Variants in PIEZO2 observed in about 807,000 individuals in gnomAD.
PIEZO2 encodes the protein piezo type mechanosensitive ion channel component 2.
Under a neutral mutation model 337.3 loss-of-function variants are expected in PIEZO2, and 172 were observed. The ratio of observed to expected loss-of-function variants is 0.51; its 90% CI spans 0.45 to 0.58. PIEZO2 has a LOEUF of 0.58. PIEZO2 is among the 20% of genes least tolerant of loss of function. The pLI, the probability that PIEZO2 is intolerant of heterozygous loss-of-function variation, is 0.00. For synonymous variants in PIEZO2, 1,251 were observed against 1,228.5 expected, an observed-to-expected ratio of 1.02 and a Z score of -0.38; for missense variants, 3,028 against 3,391.3, an observed-to-expected ratio of 0.89 and a Z score of 2.66.
rs6505603 is a variant in PIEZO2, at chr18:10,943,359, G to C, written c.287-32131C>G. 0.15 allele frequency among the ~76,000 whole-genome samples: 22,476 copies of C among 152,192 alleles called. 2,889 individuals carry two copies. The highest frequency in any genetic ancestry group is 0.34 in the African/African-American group (14,201 of 41,490). On this transcript the variant is annotated intron_variant, in intron 3 of 55. Coordinates refer to ENST00000674853, the MANE Select transcript of PIEZO2 (RefSeq NM_001378183.1). The surrounding 1 kb of genome is among the most constrained non-coding windows in gnomAD (Gnocchi z 4.5). ...TGTACCCTGCAAAGCCCCAGGGGTG[G>C]AGTTACCCAAGGCCGTGGGAGACCA...
At chr18:10,881,867 G>A (rs73394768) in intron 4 of PIEZO2, among the ~76,000 whole-genome samples, 301 of 152,226 alleles carry the variant, frequency 2.0e-3, no homozygotes, top group African/African-American at 7.1e-3. Flanking sequence ...CTGGTGATCA[G>A]CCCCACGACA....
At position 10,854,332 on chromosome 18, in the gene PIEZO2, G is replaced by A. The variant is rs139093256; in HGVS notation, c.917+1021C>T. Among the ~76,000 whole-genome samples the A allele has an allele frequency of 7.2e-5, 11 of 152,246 alleles. No individual in the cohort carries two copies. The highest frequency in any genetic ancestry group is 2.6e-4 in the African/African-American group (11 of 41,568). ...AAGATATTGATCACACCTTTGGAAA[G>A]ATGTTATTTTTTTTCTTTGCAATTA... On this transcript the variant is annotated intron_variant, in intron 7 of 55. Transcript: ENST00000674853. This position sits in a 1 kb window ranked among gnomAD's most constrained non-coding sequence, Gnocchi z 4.6.
Position 11,016,324 on chromosome 18 carries a change from G to A in PIEZO2, c.161-36664C>T, listed in dbSNP as rs985173356. ...AGACACAGAATGTGGCGGTAGAGAC[G>A]GTCAGAGCGAAAAAACAGGCACAGA... On this transcript the variant is annotated intron_variant, in intron 2 of 55. Coordinates refer to ENST00000674853, the MANE Select transcript of PIEZO2 (RefSeq NM_001378183.1). This position sits in a 1 kb window ranked among gnomAD's most constrained non-coding sequence, Gnocchi z 5.6. 6.6e-6 allele frequency among the ~76,000 whole-genome samples: 1 copy of A among 152,128 alleles called. No individual in the cohort carries two copies. Among genetic ancestry groups the A allele is most frequent in the African/African-American group, 2.4e-5 (1 of 41,410 alleles).
chr18:10,787,424 G>A (rs2039261871), intron 15 of PIEZO2, among the ~76,000 whole-genome samples: 2 of 152,180 alleles, frequency 1.3e-5, no homozygotes, highest in Non-Finnish European at 1.5e-5. Context: ...CCTTCCATAA[G>A]TGCCTATTTT....
chr18:10,691,428 T>C, intron 47 of PIEZO2, 45 bp from the exon 48 acceptor site: 1 of 1,580,134 alleles, frequency 6.3e-7, no homozygotes, highest in Non-Finnish European at 8.6e-7. Flanking sequence ...AATACTCTTC[T>C]GAAACAAAAG....
rs947617699 is a variant in PIEZO2 at position 10,982,517 on chromosome 18, A to G, written c.161-2857T>C. Among the ~76,000 whole-genome samples the G allele has an allele frequency of 1.3e-5, 2 of 152,240 alleles. No individual in the cohort carries two copies. Among genetic ancestry groups the G allele is most frequent in the African/African-American group, 2.4e-5 (1 of 41,472 alleles). On this transcript the variant is annotated intron_variant, in intron 2 of 55. Transcript: ENST00000674853. This position sits in a 1 kb window ranked among gnomAD's most constrained non-coding sequence, Gnocchi z 4.1. ...GTACAGTTTAAAATAAAATGCCAGTAGAAACTTTTACACCTTTGACAAGTA... is the reference window on the plus strand; with the variant it reads ...GTACAGTTTAAAATAAAATGCCAGTGGAAACTTTTACACCTTTGACAAGTA...
In PIEZO2 at chr18:10,861,166, CT is replaced by C. The variant is rs774234372; in HGVS notation, c.493-3956del. 2.6e-5 allele frequency among the ~76,000 whole-genome samples: 4 copies of C among 152,224 alleles called. No homozygotes were observed. Among genetic ancestry groups the C allele is most frequent in the Non-Finnish European group, 4.4e-5 (3 of 68,044 alleles). On this transcript the variant is annotated intron_variant, in intron 5 of 55. Transcript: ENST00000674853. The surrounding 1 kb of genome is among the most constrained non-coding windows in gnomAD (Gnocchi z 4.3). ...TCTCGCATGTTTACTAACAGGCAGT[CT>C]TGCTTGCTGGAGCTGTAAGCTGTCC...
rs551550585 is a variant in PIEZO2 at position 11,132,473 on chromosome 18, G to A, written c.64+16052C>T. Among the ~76,000 whole-genome samples the A allele has an allele frequency of 5.3e-5, 8 of 152,256 alleles. No homozygotes were observed. The highest frequency in any genetic ancestry group is 1.4e-4 in the African/African-American group (6 of 41,544). ...CTGGGGCAAAGTTCTCCAGAAGGCC[G>A]TGTATGCTCTGAATCAACATCCAAT... On this transcript the variant is annotated intron_variant, in intron 1 of 55. Transcript: ENST00000674853. The surrounding 1 kb of genome is among the most constrained non-coding windows in gnomAD (Gnocchi z 4.7).
intron 3 of PIEZO2, among the ~76,000 whole-genome samples, chr18:10,944,517 GAT>G (rs368272727): frequency 0.074 from 3,689 of 49,722 alleles, 82 homozygotes; most frequent in African/African-American, 0.11. Context: ...CTTAGTAACA[GAT>G]ATATATATAT....
rs1217224983 is a variant in PIEZO2, at chr18:10,854,819, C to T, written c.917+534G>A. 6.6e-6 allele frequency among the ~76,000 whole-genome samples: 1 copy of T among 152,108 alleles called. No homozygotes were observed. The highest frequency in any genetic ancestry group is 1.5e-5 in the Non-Finnish European group (1 of 68,018). Reference sequence around the variant, plus strand: ...GTCTTGACCTCCCAGGCTCAGGTGACGCTCCCACTTCAGCCTCCTGAGTAG... The same window carrying T: ...GTCTTGACCTCCCAGGCTCAGGTGATGCTCCCACTTCAGCCTCCTGAGTAG... On this transcript the variant is annotated intron_variant, in intron 7 of 55. Transcript: ENST00000674853. The surrounding 1 kb of genome is among the most constrained non-coding windows in gnomAD (Gnocchi z 4.6).
intron 1 of PIEZO2, among the ~76,000 whole-genome samples, chr18:11,091,070 T>A (rs886155199): frequency 2.0e-5 from 3 of 152,164 alleles, no homozygotes; most frequent in Non-Finnish European, 2.9e-5. Flanking sequence ...GTCACCTCTC[T>A]AACCTCTGTT....
chr18:10,750,264 T>C lies in PIEZO2; in HGVS notation c.4168-77A>G. On this transcript the variant is annotated intron_variant, in intron 28 of 55. Coordinates refer to ENST00000674853, the MANE Select transcript of PIEZO2 (RefSeq NM_001378183.1). The surrounding 1 kb of genome is among the most constrained non-coding windows in gnomAD (Gnocchi z 4.1). Reference sequence around the variant, plus strand: ...AGTGGTGTTTTATGATCCCAACATGTGCAAGAATTCACAAGGTCTCAGTGA... The same window carrying C: ...AGTGGTGTTTTATGATCCCAACATGCGCAAGAATTCACAAGGTCTCAGTGA... 9.6e-7 allele frequency: 1 copy of C among 1,043,058 alleles called. No individual in the cohort carries two copies. Among genetic ancestry groups the C allele is most frequent in the Non-Finnish European group, 1.4e-6 (1 of 698,910 alleles). 64.6% of individuals were successfully genotyped at this position (1,043,058 alleles called of 1,614,324 possible). A position where few individuals can be genotyped will look rare whatever the true frequency, so the allele number is the denominator to read the frequency against.
At chr18:10,932,706 T>C (rs1009890943) in intron 3 of PIEZO2, among the ~76,000 whole-genome samples, 2 of 152,052 alleles carry the variant, frequency 1.3e-5, no homozygotes, top group South Asian at 4.1e-4. Context: ...GAAAATCACT[T>C]GAGCCCAGGA....
chr18:11,092,583 T>C lies in PIEZO2; in HGVS notation c.65-26361A>G, dbSNP rs540550690. 6.6e-6 allele frequency among the ~76,000 whole-genome samples: 1 copy of C among 152,334 alleles called. No individual in the cohort carries two copies. The highest frequency in any genetic ancestry group is 1.5e-5 in the Non-Finnish European group (1 of 68,028). On this transcript the variant is annotated intron_variant, in intron 1 of 55. Transcript: ENST00000674853. The surrounding 1 kb of genome is among the most constrained non-coding windows in gnomAD (Gnocchi z 4.5). ...TAAGTTATTAATGTTAAAATTCTTT[T>C]TTAAATTCCCTTGAAAAAACCTTAG... is the stretch of plus-strand genomic sequence containing the variant.
Position 10,962,110 on chromosome 18 carries a change from C to G in PIEZO2, c.286+17425G>C, listed in dbSNP as rs2033807153. ...ACTGTAATCAACTATATTAGCATGA[C>G]AACAAATTCTTTATGTTGTGAGATT... On this transcript the variant is annotated intron_variant, in intron 3 of 55. Transcript: ENST00000674853. The surrounding 1 kb of genome is among the most constrained non-coding windows in gnomAD (Gnocchi z 4.1). Among the ~76,000 whole-genome samples the G allele has an allele frequency of 6.6e-6, 1 of 152,074 alleles. No homozygotes were observed. Among genetic ancestry groups the G allele is most frequent in the African/African-American group, 2.4e-5 (1 of 41,396 alleles).
chr18:11,051,577 C>T (rs2037539599), intron 2 of PIEZO2, among the ~76,000 whole-genome samples: 1 of 152,180 alleles, frequency 6.6e-6, no homozygotes, highest in South Asian at 2.1e-4. Context: ...TGTCCATCTA[C>T]TCCAGCCTGC....
At chr18:10,889,979 T>C (rs1389228177) in intron 4 of PIEZO2, among the ~76,000 whole-genome samples, 1 of 152,174 alleles carries the variant, frequency 6.6e-6, no homozygotes, top group African/African-American at 2.4e-5. Context: ...GGACCTTGGC[T>C]CCCCCAGCAC....
chr18:10,964,013 G>A (rs1248655719), intron 3 of PIEZO2, among the ~76,000 whole-genome samples: 2 of 152,116 alleles, frequency 1.3e-5, no homozygotes, highest in Non-Finnish European at 2.9e-5. Context: ...CCACCTTCCT[G>A]CCAGACCTCA....
rs1309968959 is a variant in PIEZO2, at chr18:11,078,147, CCACA to C, written c.65-11929_65-11926del. On this transcript the variant is annotated intron_variant, in intron 1 of 55. Transcript: ENST00000674853. The surrounding 1 kb of genome is among the most constrained non-coding windows in gnomAD (Gnocchi z 5.3). ...ATACACACACATACACACACACTCA[CCACA>C]CACACACATACACACACCACACACA... is the stretch of plus-strand genomic sequence containing the variant. Among the ~76,000 whole-genome samples the C allele has an allele frequency of 3.3e-5, 5 of 149,914 alleles. No homozygotes were observed. The highest frequency in any genetic ancestry group is 4.9e-5 in the African/African-American group (2 of 40,586).
Sources: allele counts gnomAD v4.1 joint callset (sites outside exome capture counted in the v4.1 genomes callset), GRCh38; gene constraint gnomAD v4.1.1; non-coding constraint Gnocchi (gnomAD v3.1); transcripts MANE v1.5; gene names NCBI Gene and HGNC (gene_info 2026-07-23, HGNC 2026-07-21).